TRMO: variants seen among roughly 807,000 people sequenced by gnomAD.
The protein encoded by TRMO is tRNA (adenine(37)-N6)-methyltransferase.
In TRMO, 30 loss-of-function variants were observed where a neutral mutation model predicts 37.2. The observed-to-expected ratio is 0.81, with a 90% CI of 0.60 to 1.09. The LOEUF (loss-of-function observed/expected upper bound fraction) is 1.09, where lower values mean the gene tolerates loss of function less well. Among genes scored for constraint, TRMO ranks in the 50% least tolerant of loss-of-function variants. The probability of loss-of-function intolerance (pLI) is 0.00; values close to 1 mark genes in which losing one functional copy is unlikely to be tolerated. For synonymous variants in TRMO, 239 were observed against 199.4 expected, an observed-to-expected ratio of 1.20 and a Z score of -1.67; for missense variants, 552 against 549.5, an observed-to-expected ratio of 1.00 and a Z score of -0.05.
chr9:97,898,748 T>G, the TRMO span, among the ~76,000 whole-genome samples: 2 of 151,758 alleles, frequency 1.3e-5, no homozygotes. Flanking sequence ...GCTTTAAAAC[T>G]TATGACTTGC....
At chr9:97,909,010 A>C (rs1379536417) in intron 4 of TRMO, among the ~76,000 whole-genome samples, 1 of 152,204 alleles carries the variant, frequency 6.6e-6, no homozygotes, top group Non-Finnish European at 1.5e-5. Flanking sequence ...GCTGGAGTAC[A>C]GTGGCAACAT....
rs1343851682 is a variant in TRMO at position 97,922,422 on chromosome 9, C to T, written c.72G>A (p.Glu24=). The T allele has an allele frequency of 1.9e-6, 3 of 1,580,224 alleles. No homozygotes were observed. Among genetic ancestry groups the T allele is most frequent in the Non-Finnish European group, 2.6e-6 (3 of 1,162,554 alleles). The part of the protein sequence containing the change: ...TPCGCVKPAL[E]TGNLLTEPVG... ...ACCGCCGGTGTTGGAAGTTACCTGT[C>T]TCCAGAGCCGGCTTAACGCAGCCGC... Residue 24 remains glutamate, a synonymous_variant, in exon 1 of 5, where the codon GAG becomes GAA. Transcript: ENST00000375119.
chr9:97,908,701 CTTGA>C (rs1332686059), intron 4 of TRMO, among the ~76,000 whole-genome samples: 1 of 152,172 alleles, frequency 6.6e-6, no homozygotes, highest in Non-Finnish European at 1.5e-5. Context: ...GGTCTAATAA[CTTGA>C]TTGCTTATTA....
At chr9:97,912,875 G>C in intron 3 of TRMO, 2 of 1,285,462 alleles carry the variant, frequency 1.6e-6, no homozygotes, top group Non-Finnish European at 1.0e-6. Flanking sequence ...TCTACAACCT[G>C]ACCAATGTTT....
intron 1 of TRMO, among the ~76,000 whole-genome samples, chr9:97,917,247 G>T (rs1430880344): frequency 6.6e-6 from 1 of 152,208 alleles, no homozygotes; most frequent in Non-Finnish European, 1.5e-5. Context: ...CATAAGTAAG[G>T]ATATCTTCAA....
At position 97,910,086 on chromosome 9, in the gene TRMO, C is replaced by T. The variant is rs1179249045; in HGVS notation, c.940G>A (p.Ala314Thr). The T allele has an allele frequency of 4.3e-6, 7 of 1,613,966 alleles. No homozygotes were observed. Among genetic ancestry groups the T allele is most frequent in the Middle Eastern group, 1.6e-4 (1 of 6,062 alleles). Reference protein sequence around the residue: ...ETQPMAPHCPAGRADGAPRSV... With the variant: ...ETQPMAPHCPTGRADGAPRSV... Reference sequence around the variant, plus strand: ...CGGGGAGCTCCATCAGCCCTTCCAGCAGGGCAGTGAGGGGCCATGGGCTGT... The same window carrying T: ...CGGGGAGCTCCATCAGCCCTTCCAGTAGGGCAGTGAGGGGCCATGGGCTGT... Residue 314 changes from alanine (A) to threonine (T), a missense_variant, in exon 4 of 5, where the codon GCT becomes ACT. Physicochemically the swap from Ala to Thr is moderately conservative, Grantham distance 58. Transcript: ENST00000375119.
intron 3 of TRMO, chr9:97,912,353 T>G (rs1826164515): frequency 1.3e-5 from 2 of 153,744 alleles, no homozygotes; most frequent in Admixed American, 1.3e-4. Flanking sequence ...TCACTATAGC[T>G]CTAGCACCTA....
At chr9:97,921,760 AT>A (rs1055154113) in intron 1 of TRMO, among the ~76,000 whole-genome samples, 6 of 151,896 alleles carry the variant, frequency 4.0e-5, no homozygotes, top group Non-Finnish European at 7.4e-5. Context: ...CCCTGTTAAG[AT>A]TTTTTTTTAA....
At chr9:97,914,627 A>C (rs1826269921) in intron 2 of TRMO, among the ~76,000 whole-genome samples, 1 of 152,220 alleles carries the variant, frequency 6.6e-6, no homozygotes, top group Non-Finnish European at 1.5e-5. Context: ...TCCATTAACA[A>C]GAGTGTGTAT....
At chr9:97,902,121 A>G (rs1587825013), downstream of TRMO, among the ~76,000 whole-genome samples, 1 of 152,154 alleles carries the variant, frequency 6.6e-6, no homozygotes, top group South Asian at 2.1e-4. Flanking sequence ...GACAGAGTGG[A>G]TCTCACGTTC....
the TRMO span, among the ~76,000 whole-genome samples, chr9:97,897,692 G>A: frequency 1.3e-5 from 2 of 152,130 alleles, no homozygotes; most frequent in African/African-American, 4.8e-5. Context: ...TGTTTAGCAC[G>A]TGGATAACTT....
At chr9:97,908,638 A>T (rs949120545) in intron 4 of TRMO, among the ~76,000 whole-genome samples, 6 of 152,190 alleles carry the variant, frequency 3.9e-5, no homozygotes, top group African/African-American at 1.4e-4. Flanking sequence ...GTATTCTTAA[A>T]TTTTTCAGTA....
chr9:97,916,754 G>A (rs1157012920), intron 1 of TRMO, among the ~76,000 whole-genome samples: 1 of 144,592 alleles, frequency 6.9e-6, no homozygotes, highest in Non-Finnish European at 1.5e-5. Flanking sequence ...TGCCCAGGCT[G>A]GAGTGCAGTG....
chr9:97,918,402 TCA>T (rs1176483455), intron 1 of TRMO, among the ~76,000 whole-genome samples: 1 of 145,638 alleles, frequency 6.9e-6, no homozygotes, highest in Admixed American at 6.9e-5. Context: ...AAAAAAAAAA[TCA>T]CAATTTTTTT....
At chr9:97,906,007 C>CA (rs200024172) in intron 4 of TRMO, among the ~76,000 whole-genome samples, 1 of 151,796 alleles carries the variant, frequency 6.6e-6, no homozygotes, top group Non-Finnish European at 1.5e-5. Flanking sequence ...TACACACACA[C>CA]AAAAAAATTA....
downstream of TRMO, among the ~76,000 whole-genome samples, chr9:97,901,986 G>T (rs1206765757): frequency 3.9e-5 from 6 of 152,230 alleles, no homozygotes; most frequent in African/African-American, 1.2e-4. Context: ...TTGAGATCAT[G>T]TTATGAGAAA....
chr9:97,915,798 A>C (rs979204678), intron 2 of TRMO: 1 of 158,086 alleles, frequency 6.3e-6, no homozygotes, highest in Non-Finnish European at 1.4e-5. Flanking sequence ...TTGTCTTAAA[A>C]AATAAAAAAA....
At chr9:97,898,077 G>A in the TRMO span, among the ~76,000 whole-genome samples, 1 of 152,134 alleles carries the variant, frequency 6.6e-6, no homozygotes, top group South Asian at 2.1e-4. Flanking sequence ...ACACAAATGT[G>A]ATTCTTGTGG....
At chr9:97,921,795 G>A (rs1383856509) in intron 1 of TRMO, among the ~76,000 whole-genome samples, 6 of 152,032 alleles carry the variant, frequency 3.9e-5, no homozygotes, top group African/African-American at 1.5e-4. Flanking sequence ...TACTAAACAG[G>A]TCGTATAGTA....
Sources: allele counts gnomAD v4.1 joint callset (sites outside exome capture counted in the v4.1 genomes callset), GRCh38; gene constraint gnomAD v4.1.1; transcripts MANE v1.5; gene names NCBI Gene and HGNC (gene_info 2026-07-23, HGNC 2026-07-21).